Variants in LRRIQ3 observed in about 807,000 individuals in gnomAD.
The protein encoded by LRRIQ3 is leucine-rich repeat and IQ domain-containing protein 3.
A neutral mutation model predicts 59.3 loss-of-function variants in LRRIQ3; 75 were observed. That is an observed-to-expected ratio of 1.26 (90% confidence interval 1.05 to 1.53). LRRIQ3 has a LOEUF of 1.53. LRRIQ3 is among the 40% of genes most tolerant of loss of function. The pLI is 0.00. For missense variants in LRRIQ3, 831 were observed against 710.0 expected (o/e 1.17, Z -1.94); for synonymous variants, 250 against 231.3 (o/e 1.08, Z -0.73).
intron 3 of LRRIQ3, 45 bp downstream of exon 3, chr1:74,182,493 C>A: frequency 7.7e-7 from 1 of 1,296,072 alleles, no homozygotes; most frequent in Non-Finnish European, 1.0e-6. Flanking sequence ...TAAAATTTCC[C>A]TTTTATACAT....
intron 1 of LRRIQ3, among the ~76,000 whole-genome samples, chr1:74,192,919 C>T (rs1365071606): frequency 6.6e-6 from 1 of 151,996 alleles, no homozygotes; most frequent in Admixed American, 6.6e-5. Flanking sequence ...TTTTGTTTCT[C>T]ATTATTTATT....
At chr1:74,092,161 T>C (rs1646401241) in intron 5 of LRRIQ3, among the ~76,000 whole-genome samples, 1 of 152,012 alleles carries the variant, frequency 6.6e-6, no homozygotes. Flanking sequence ...GTGCAGTCAT[T>C]TTGGGTCATG....
At chr1:74,184,043 C>T (rs965265428) in intron 1 of LRRIQ3, among the ~76,000 whole-genome samples, 2 of 151,882 alleles carry the variant, frequency 1.3e-5, no homozygotes, top group African/African-American at 4.8e-5. Context: ...TTATATAACT[C>T]GTATGATAAT....
At chr1:74,173,332 T>TAACTCACA (rs1437564396) in intron 3 of LRRIQ3, among the ~76,000 whole-genome samples, 2 of 151,316 alleles carry the variant, frequency 1.3e-5, no homozygotes, top group African/African-American at 4.9e-5. Context: ...TCCCTCCTTA[T>TAACTCACA]CTTTTAACTG....
At position 74,109,501 on chromosome 1, in the gene LRRIQ3, C is replaced by T. The variant is rs762964869; in HGVS notation, c.760G>A (p.Glu254Lys). ...KQQEKIIRGY[E>K]AKWIYITKGY... ...TTGGTTATGTAAATCCATTTTGCTT[C>T]ATATCCTCTAATAATTTTTTCCTGC... Residue 254 changes from glutamate (E) to lysine (K), a missense_variant, in exon 5 of 8, where the codon GAA becomes AAA. Transcript: ENST00000354431. 8.9e-6 allele frequency: 14 copies of T among 1,565,538 alleles called. No individual in the cohort carries two copies. The highest frequency in any genetic ancestry group is 6.9e-6 in the Non-Finnish European group (8 of 1,160,910).
chr1:74,029,541 A>G (rs1431108210), intron 7 of LRRIQ3, among the ~76,000 whole-genome samples: 1 of 152,086 alleles, frequency 6.6e-6, no homozygotes, highest in Non-Finnish European at 1.5e-5. Flanking sequence ...CATCCCAGGG[A>G]TGAAGCCCAC....
intron 6 of LRRIQ3, among the ~76,000 whole-genome samples, chr1:74,055,559 T>C (rs868166047): frequency 1.3e-5 from 2 of 152,182 alleles, no homozygotes; most frequent in African/African-American, 2.4e-5. Context: ...TCATTCATTA[T>C]ACATATTCAT....
chr1:74,160,009 C>A (rs546964830), intron 3 of LRRIQ3, among the ~76,000 whole-genome samples: 1 of 152,086 alleles, frequency 6.6e-6, no homozygotes, highest in Non-Finnish European at 1.5e-5. Context: ...ACTCCTAATT[C>A]CCCTATATTC....
At chr1:74,101,096 G>T (rs950599128) in intron 5 of LRRIQ3, among the ~76,000 whole-genome samples, 3 of 152,218 alleles carry the variant, frequency 2.0e-5, no homozygotes, top group Admixed American at 1.3e-4. Flanking sequence ...CACAGCAAAA[G>T]AAACTACCAT....
intron 4 of LRRIQ3, among the ~76,000 whole-genome samples, chr1:74,150,036 T>TG (rs1176854594): frequency 6.6e-6 from 1 of 152,178 alleles, no homozygotes; most frequent in Non-Finnish European, 1.5e-5. Context: ...AAAAGAGAAA[T>TG]GCAGTATATC....
intron 4 of LRRIQ3, among the ~76,000 whole-genome samples, chr1:74,128,746 G>C (rs1646970908): frequency 6.6e-6 from 1 of 151,978 alleles, no homozygotes; most frequent in Non-Finnish European, 1.5e-5. Context: ...TTCTTGGGAA[G>C]GTTTTTCAGA....
intron 7 of LRRIQ3, among the ~76,000 whole-genome samples, chr1:74,034,117 C>T (rs899621523): frequency 3.3e-5 from 5 of 151,864 alleles, no homozygotes; most frequent in African/African-American, 1.2e-4. Context: ...GATTAGGGAG[C>T]TACATTCTCA....
At chr1:74,106,135 G>A (rs558171223) in intron 5 of LRRIQ3, among the ~76,000 whole-genome samples, 1 of 152,120 alleles carries the variant, frequency 6.6e-6, no homozygotes, top group East Asian at 1.9e-4. Flanking sequence ...GCCTCAAGGA[G>A]AAAGGGTATT....
chr1:74,097,605 A>G (rs1361851148), intron 5 of LRRIQ3, among the ~76,000 whole-genome samples: 2 of 152,186 alleles, frequency 1.3e-5, no homozygotes, highest in Non-Finnish European at 2.9e-5. Context: ...CATAATTGTC[A>G]GATTCAACAA....
intron 6 of LRRIQ3, among the ~76,000 whole-genome samples, chr1:74,060,214 TCTTCTTGTTCTTCTTC>T (rs1654672050): frequency 6.1e-5 from 1 of 16,500 alleles, no homozygotes; most frequent in African/African-American, 8.5e-5. Context: ...TTCTTCTTCT[TCTTCTTGTTCTTCTTC>T]TTCTTCTTCT....
At chr1:74,059,283 C>T (rs1654630928) in intron 6 of LRRIQ3, among the ~76,000 whole-genome samples, 1 of 151,630 alleles carries the variant, frequency 6.6e-6, no homozygotes, top group African/African-American at 2.4e-5. Flanking sequence ...TTGGCTTATG[C>T]TCCTAGTGGC....
chr1:74,039,523 G>A (rs1653978266), intron 7 of LRRIQ3, among the ~76,000 whole-genome samples: 1 of 151,498 alleles, frequency 6.6e-6, no homozygotes, highest in African/African-American at 2.4e-5. Flanking sequence ...AGACACATAT[G>A]GGCAGCCAGA....
chr1:74,183,416 CT>C lies in LRRIQ3; in HGVS notation c.249+19del. On this transcript the variant is annotated intron_variant, in intron 2 of 7. Coordinates refer to ENST00000354431, the MANE Select transcript of LRRIQ3 (RefSeq NM_001105659.2). Reference sequence around the variant, plus strand: ...TGAAATTTCGTTTATATGCAAATATCTGAAATGGCTATTGCTTACCTGATTT... The same window carrying C: ...TGAAATTTCGTTTATATGCAAATATCGAAATGGCTATTGCTTACCTGATTT... 3 of 1,517,982 alleles carry C rather than the reference CT, an allele frequency of 2.0e-6. No individual in the cohort carries two copies. The highest frequency in any genetic ancestry group is 2.6e-6 in the Non-Finnish European group (3 of 1,133,664). 94.0% of individuals were successfully genotyped at this position (1,517,982 alleles called of 1,614,324 possible). A position where few individuals can be genotyped will look rare whatever the true frequency, so the allele number is the denominator to read the frequency against.
intron 6 of LRRIQ3, among the ~76,000 whole-genome samples, chr1:74,046,425 C>T (rs1404493434): frequency 6.6e-6 from 1 of 152,052 alleles, no homozygotes; most frequent in Non-Finnish European, 1.5e-5. Flanking sequence ...AAACTGGATC[C>T]CTACCTTACA....
Sources: gnomAD v4.1 joint callset for allele counts (sites outside exome capture counted in the v4.1 genomes callset) on GRCh38, gnomAD v4.1.1 for gene constraint, MANE v1.5 for transcripts, NCBI Gene and HGNC (gene_info 2026-07-23, HGNC 2026-07-21) for gene names.